Variants in TMEM232 observed in about 807,000 individuals in gnomAD.
TMEM232 encodes the protein transmembrane protein 232.
In TMEM232, 80 loss-of-function variants were observed where a neutral mutation model predicts 78.8. The ratio of observed to expected loss-of-function variants is 1.01; its 90% CI spans 0.85 to 1.22. TMEM232 has a LOEUF of 1.22. TMEM232 is among the 50% of genes most tolerant of loss of function. The probability of loss-of-function intolerance (pLI) is 0.00; values close to 1 mark genes in which losing one functional copy is unlikely to be tolerated. For missense variants in TMEM232, 881 were observed against 742.2 expected, an observed-to-expected ratio of 1.19 and a Z score of -2.17; for synonymous variants, 297 against 254.3, an observed-to-expected ratio of 1.17 and a Z score of -1.60.
At chr5:110,479,598 T>C (rs560512209) in intron 12 of TMEM232, among the ~76,000 whole-genome samples, 1 of 151,994 alleles carries the variant, frequency 6.6e-6, no homozygotes, top group East Asian at 1.9e-4. Context: ...TTGCATGTAA[T>C]TATAGTCTGA....
chr5:110,424,723 T>G lies in TMEM232; in HGVS notation c.1797+100A>C, dbSNP rs1021281195. The G allele has an allele frequency of 6.4e-6, 6 of 932,940 alleles. No individual in the cohort carries two copies. The East Asian group carries it at 1.6e-4, about 25-fold the overall frequency. 57.8% of individuals were successfully genotyped at this position (932,940 alleles called of 1,614,324 possible). On this transcript the variant is annotated intron_variant, in intron 13 of 13. Transcript: ENST00000455884. ...ACCAATCATGGCTCTACTTTTAAAT[T>G]TCACATATTAAGGTTTCAGTCTCAG...
chr5:110,588,738 G>A (rs1014247593), intron 10 of TMEM232, among the ~76,000 whole-genome samples: 1 of 152,126 alleles, frequency 6.6e-6, no homozygotes, highest in Non-Finnish European at 1.5e-5. Flanking sequence ...CCTGCTTTGG[G>A]AGACTGGGAG....
At chr5:110,689,512 T>C (rs548692802) in intron 1 of TMEM232, among the ~76,000 whole-genome samples, 7 of 152,244 alleles carry the variant, frequency 4.6e-5, no homozygotes, top group East Asian at 3.9e-4. Context: ...TTAGAAACCC[T>C]TGGACAAGAT....
chr5:110,550,014 G>C (rs1774262430), intron 11 of TMEM232, among the ~76,000 whole-genome samples: 1 of 151,940 alleles, frequency 6.6e-6, no homozygotes, highest in African/African-American at 2.4e-5. Context: ...AACAATATAG[G>C]AAAGAAATAT....
intron 12 of TMEM232, among the ~76,000 whole-genome samples, chr5:110,476,698 C>T (rs1763293316): frequency 6.6e-6 from 1 of 151,960 alleles, no homozygotes; most frequent in African/African-American, 2.4e-5. Context: ...AACCTAATGA[C>T]AAACAGTACC....
intron 12 of TMEM232, among the ~76,000 whole-genome samples, chr5:110,454,507 A>G (rs1285910694): frequency 6.6e-6 from 1 of 152,168 alleles, no homozygotes; most frequent in Non-Finnish European, 1.5e-5. Flanking sequence ...AGGAAAAAAA[A>G]AAGTAACAGA....
intron 10 of TMEM232, among the ~76,000 whole-genome samples, chr5:110,571,666 T>G (rs2149694906): frequency 6.6e-6 from 1 of 150,992 alleles, no homozygotes; most frequent in Non-Finnish European, 1.5e-5. Context: ...TCTATAGTTG[T>G]TTTTTTTGTT....
intron 12 of TMEM232, among the ~76,000 whole-genome samples, chr5:110,526,842 T>C (rs1260485687): frequency 1.3e-5 from 2 of 151,878 alleles, no homozygotes; most frequent in African/African-American, 4.8e-5. Flanking sequence ...AATTATGATA[T>C]ATCCATAATA....
At chr5:110,628,373 G>T (rs1170165642) in intron 5 of TMEM232, among the ~76,000 whole-genome samples, 1 of 151,958 alleles carries the variant, frequency 6.6e-6, no homozygotes, top group East Asian at 1.9e-4. Context: ...AGATAGTGTT[G>T]AGAACTATCC....
chr5:110,480,337 T>C (rs1366900947), intron 12 of TMEM232, among the ~76,000 whole-genome samples: 5 of 152,034 alleles, frequency 3.3e-5, no homozygotes, highest in African/African-American at 1.2e-4. Context: ...CCTTTATTTA[T>C]ATGCAAATGT....
At chr5:110,614,602 T>G (rs1476169701) in intron 8 of TMEM232, among the ~76,000 whole-genome samples, 1 of 152,082 alleles carries the variant, frequency 6.6e-6, no homozygotes, top group South Asian at 2.1e-4. Context: ...ATCAGCTACA[T>G]TTACTGTTTC....
intron 5 of TMEM232, among the ~76,000 whole-genome samples, chr5:110,634,033 A>G (rs1459097989): frequency 2.0e-5 from 3 of 152,200 alleles, no homozygotes; most frequent in African/African-American, 7.2e-5. Flanking sequence ...ATCAAAAGCA[A>G]GTAGGAGTAA....
At chr5:110,400,973 C>T (rs1755569997) in intron 2 of TMEM232, among the ~76,000 whole-genome samples, 1 of 152,074 alleles carries the variant, frequency 6.6e-6, no homozygotes, top group Non-Finnish European at 1.5e-5. Flanking sequence ...TCACCTTCCA[C>T]TTCCAATCCT....
intron 5 of TMEM232, among the ~76,000 whole-genome samples, chr5:110,637,502 A>C (rs1055755293): frequency 6.6e-6 from 1 of 151,910 alleles, no homozygotes; most frequent in Non-Finnish European, 1.5e-5. Context: ...TTATAATCAA[A>C]ATTTAATTTA....
chr5:110,486,083 A>AT (rs1346872767), intron 12 of TMEM232, among the ~76,000 whole-genome samples: 2 of 149,838 alleles, frequency 1.3e-5, no homozygotes, highest in Non-Finnish European at 3.0e-5. Flanking sequence ...GATGTTGAGC[A>AT]TTTTTTTCAT....
At chr5:110,645,797 C>T (rs1218992589) in intron 2 of TMEM232, among the ~76,000 whole-genome samples, 1 of 151,402 alleles carries the variant, frequency 6.6e-6, no homozygotes, top group Non-Finnish European at 1.5e-5. Flanking sequence ...TTGCAAATGA[C>T]ATATATGTAG....
chr5:110,663,785 T>C (rs1195164015), intron 2 of TMEM232, among the ~76,000 whole-genome samples: 2 of 151,224 alleles, frequency 1.3e-5, no homozygotes, highest in South Asian at 2.1e-4. Context: ...ATATACAATA[T>C]TCAGATACTT....
chr5:110,721,659 G>GTA (rs1438116186), intron 1 of TMEM232, among the ~76,000 whole-genome samples: 1 of 23,240 alleles, frequency 4.3e-5, no homozygotes, highest in Non-Finnish European at 1.1e-4. Context: ...CATATCATGT[G>GTA]TGTGTGTGTG....
chr5:110,639,777 T>G (rs1786407216), intron 4 of TMEM232, among the ~76,000 whole-genome samples: 1 of 152,236 alleles, frequency 6.6e-6, no homozygotes, highest in South Asian at 2.1e-4. Flanking sequence ...CACCAGGGAC[T>G]GGTTTTGTCT....
Sources: gnomAD v4.1 joint callset for allele counts (sites outside exome capture counted in the v4.1 genomes callset) on GRCh38, gnomAD v4.1.1 for gene constraint, MANE v1.5 for transcripts, NCBI Gene and HGNC (gene_info 2026-07-23, HGNC 2026-07-21) for gene names.